Variants in PDK1 observed in about 807,000 individuals in gnomAD.
PDK1 encodes the protein pyruvate dehydrogenase kinase 1.
A neutral mutation model predicts 54.2 loss-of-function variants in PDK1; 39 were observed. The observed-to-expected ratio is 0.72, with a 90% CI of 0.56 to 0.94. The LOEUF is 0.94. PDK1 is among the 40% of genes least tolerant of loss of function. The pLI is 0.00. For synonymous variants in PDK1, 221 were observed against 207.1 expected, an observed-to-expected ratio of 1.07 and a Z score of -0.58; for missense variants, 552 against 566.0, an observed-to-expected ratio of 0.98 and a Z score of 0.25.
the PDK1 span, among the ~76,000 whole-genome samples, chr2:172,720,849 G>A: frequency 1.3e-5 from 2 of 152,096 alleles, no homozygotes; most frequent in African/African-American, 4.8e-5. Flanking sequence ...CATCTAAGGA[G>A]GGCTTTGTGA....
the PDK1 span, among the ~76,000 whole-genome samples, chr2:172,705,858 A>G: frequency 2.6e-5 from 4 of 152,242 alleles, no homozygotes; most frequent in African/African-American, 9.6e-5. Context: ...GAGTTTCTAA[A>G]TCTGTTTACA....
chr2:172,683,129 G>A, the PDK1 span, among the ~76,000 whole-genome samples: 11 of 151,904 alleles, frequency 7.2e-5, no homozygotes, highest in Admixed American at 1.3e-4. Context: ...GGCGGATCAC[G>A]AGGTCAGGAG....
At chr2:172,706,586 TG>T in the PDK1 span, among the ~76,000 whole-genome samples, 1 of 152,140 alleles carries the variant, frequency 6.6e-6, no homozygotes, top group African/African-American at 2.4e-5. Context: ...CCACCATGCC[TG>T]GCTAATTGGT....
At chr2:172,564,479 G>C (rs756207053) in intron 3 of PDK1, 24 bp from the exon 4 acceptor site, 22 of 1,585,660 alleles carry the variant, frequency 1.4e-5, no homozygotes, top group Non-Finnish European at 1.7e-5. Flanking sequence ...ATATTTGGCT[G>C]TTTTGACAGA....
intron 10 of PDK1, among the ~76,000 whole-genome samples, chr2:172,594,810 A>G (rs1179328606): frequency 1.3e-5 from 2 of 152,176 alleles, no homozygotes; most frequent in Non-Finnish European, 2.9e-5. Context: ...GAAAAATCCT[A>G]ACTTGAAGAA....
chr2:172,589,186 T>C (rs1690430906), intron 9 of PDK1, among the ~76,000 whole-genome samples: 1 of 152,218 alleles, frequency 6.6e-6, no homozygotes. Flanking sequence ...CTGAACCACC[T>C]GCTCATACAG....
chr2:172,611,301 G>A (rs934202735), downstream of PDK1, among the ~76,000 whole-genome samples: 1 of 152,076 alleles, frequency 6.6e-6, no homozygotes, highest in Non-Finnish European at 1.5e-5. Flanking sequence ...AAAACCAGGA[G>A]CAAAAACCTC....
the PDK1 span, among the ~76,000 whole-genome samples, chr2:172,629,530 C>A: frequency 5.3e-4 from 81 of 152,296 alleles, 1 homozygote; most frequent in South Asian, 0.016. Flanking sequence ...CCCAATCCAT[C>A]CCCTTTCCAG....
chr2:172,617,247 C>T, the PDK1 span, among the ~76,000 whole-genome samples: 1 of 152,000 alleles, frequency 6.6e-6, no homozygotes, highest in Non-Finnish European at 1.5e-5. Flanking sequence ...GCCACCACGC[C>T]TGGCCAGTTA....
intron 9 of PDK1, 152 bp downstream of exon 9, chr2:172,586,540 C>T (rs1168809891): frequency 5.9e-6 from 3 of 512,048 alleles, no homozygotes; most frequent in Admixed American, 6.9e-5. Flanking sequence ...ATTTAAACAG[C>T]CTTCAGAATA....
chr2:172,671,153 C>T, the PDK1 span, among the ~76,000 whole-genome samples: 1 of 149,940 alleles, frequency 6.7e-6, no homozygotes, highest in Non-Finnish European at 1.5e-5. Context: ...TTCTGAGTAT[C>T]TTTTCTTTAT....
chr2:172,592,681 C>T (rs903956438), intron 9 of PDK1, among the ~76,000 whole-genome samples: 1 of 152,028 alleles, frequency 6.6e-6, no homozygotes, highest in African/African-American at 2.4e-5. Flanking sequence ...TATGCTTTTT[C>T]GAGACCAACC....
the PDK1 span, among the ~76,000 whole-genome samples, chr2:172,652,618 A>G: frequency 2.0e-5 from 3 of 152,226 alleles, no homozygotes; most frequent in Admixed American, 2.0e-4. Flanking sequence ...AACTTCAGCA[A>G]AGTCTCAGGA....
chr2:172,682,147 A>G, the PDK1 span, among the ~76,000 whole-genome samples: 1 of 152,232 alleles, frequency 6.6e-6, no homozygotes, highest in Non-Finnish European at 1.5e-5. Context: ...AAGGAAGTCA[A>G]TTCTGCCAGT....
At position 172,604,490 on chromosome 2, in the gene PDK1, A is replaced by T. The variant is rs1558966044; in HGVS notation, c.*8521A>T. Reference sequence around the variant, plus strand: ...TATTTGCTTTTTTTTTAACTTACAAATTTTTTTAAAAAAACGTTTTTCCTC... The same window carrying T: ...TATTTGCTTTTTTTTTAACTTACAATTTTTTTTAAAAAAACGTTTTTCCTC... On this transcript the variant is annotated 3_prime_UTR_variant, in exon 11 of 11. Coordinates refer to ENST00000282077, the MANE Select transcript of PDK1 (RefSeq NM_002610.5). 6.6e-6 allele frequency: 1 copy of T among 152,226 alleles called. No individual in the cohort carries two copies. Among genetic ancestry groups the T allele is most frequent in the South Asian group, 2.1e-4 (1 of 4,826 alleles). 9.4% of individuals were successfully genotyped at this position (152,226 alleles called of 1,614,324 possible).
chr2:172,593,671 AC>A (rs988622211), intron 10 of PDK1, among the ~76,000 whole-genome samples: 1 of 152,208 alleles, frequency 6.6e-6, no homozygotes, highest in African/African-American at 2.4e-5. Context: ...AATTGTACAA[AC>A]AGATTTGGGA....
the PDK1 span, among the ~76,000 whole-genome samples, chr2:172,631,738 C>G: frequency 1.2e-4 from 19 of 152,072 alleles, no homozygotes; most frequent in Non-Finnish European, 2.6e-4. Flanking sequence ...GACAGGAAAA[C>G]TCAAAGAACC....
At chr2:172,575,991 G>C (rs1050507225) in intron 8 of PDK1, among the ~76,000 whole-genome samples, 7 of 151,998 alleles carry the variant, frequency 4.6e-5, no homozygotes, top group African/African-American at 1.7e-4. Context: ...GCAGTGGCAG[G>C]ATCTTGGCTC....
At chr2:172,586,122 G>A (rs1690209620) in intron 8 of PDK1, among the ~76,000 whole-genome samples, 156 bp from the exon 9 acceptor site, 1 of 147,940 alleles carries the variant, frequency 6.8e-6, no homozygotes, top group South Asian at 2.1e-4. Context: ...TCGCACCACT[G>A]CACTCCAGCC....
Sources: allele counts gnomAD v4.1 joint callset (sites outside exome capture counted in the v4.1 genomes callset), GRCh38; gene constraint gnomAD v4.1.1; transcripts MANE v1.5; gene names NCBI Gene and HGNC (gene_info 2026-07-23, HGNC 2026-07-21).